The following GPC4 variants were observed in gnomAD, a reference collection of about 807,000 sequenced individuals.
The protein encoded by GPC4 is glypican 4, also known as glypican-4.
In GPC4, 10 loss-of-function variants were observed where a neutral mutation model predicts 35.0. The observed-to-expected ratio is 0.29, with a 90% CI of 0.18 to 0.48. GPC4 has a LOEUF of 0.48. Among genes scored for constraint, GPC4 ranks in the 20% least tolerant of loss-of-function variants. The pLI, the probability that GPC4 is intolerant of heterozygous loss-of-function variation, is 0.99. For synonymous variants in GPC4, 167 were observed against 170.2 expected, an observed-to-expected ratio of 0.98 and a Z score of 0.15; for missense variants, 322 against 451.3, an observed-to-expected ratio of 0.71 and a Z score of 2.60.
intron 3 of GPC4, among the ~76,000 whole-genome samples, chrX:133,312,014 CAGA>C (rs1399335025): frequency 1.8e-5 from 2 of 111,669 alleles, no homozygotes; most frequent in Non-Finnish European, 3.8e-5. Flanking sequence ...TTCTACAAGG[CAGA>C]ATATGAGTAA....
intron 1 of GPC4, among the ~76,000 whole-genome samples, chrX:133,375,911 T>C (rs139412419): frequency 7.2e-5 from 8 of 111,680 alleles, no homozygotes; most frequent in African/African-American, 2.3e-4. Context: ...CACTAGGGGA[T>C]TATGCAGTAG....
intron 1 of GPC4, among the ~76,000 whole-genome samples, chrX:133,411,725 G>A (rs770511634): frequency 9.0e-6 from 1 of 111,451 alleles, no homozygotes; most frequent in African/African-American, 3.3e-5. Flanking sequence ...CATAGTGGGC[G>A]CTCCAAAAGT....
At chrX:133,413,783 C>T (rs978310239) in intron 1 of GPC4, among the ~76,000 whole-genome samples, 27 of 112,350 alleles carry the variant, frequency 2.4e-4, no homozygotes, top group Non-Finnish European at 4.3e-4. Flanking sequence ...GCTAAGAAGA[C>T]AGTGCGACCC....
chrX:133,369,403 T>A (rs1172414370), intron 1 of GPC4, among the ~76,000 whole-genome samples: 1 of 112,040 alleles, frequency 8.9e-6, no homozygotes, highest in Non-Finnish European at 1.9e-5. Flanking sequence ...TAAATGATAT[T>A]GAACTTTTTC....
intron 1 of GPC4, among the ~76,000 whole-genome samples, chrX:133,409,358 G>C (rs1603101650): frequency 1.2e-5 from 1 of 80,055 alleles, no homozygotes; most frequent in African/African-American, 4.6e-5. Context: ...AAAAAAAAGT[G>C]TTTAGATCCA....
chrX:133,317,427 C>T, intron 3 of GPC4, among the ~76,000 whole-genome samples: 1 of 110,725 alleles, frequency 9.0e-6, no homozygotes, highest in East Asian at 2.8e-4. Flanking sequence ...TTGAGACTTT[C>T]TACCCAATAA....
At chrX:133,402,227 G>A (rs1248775156) in intron 1 of GPC4, among the ~76,000 whole-genome samples, 1 of 111,645 alleles carries the variant, frequency 9.0e-6, no homozygotes. Context: ...CCAAACACCA[G>A]ACCGAAAACT....
intron 1 of GPC4, among the ~76,000 whole-genome samples, chrX:133,410,085 G>C (rs1317330827): frequency 9.0e-6 from 1 of 111,518 alleles, no homozygotes; most frequent in Non-Finnish European, 1.9e-5. Flanking sequence ...GATTGTCTAT[G>C]TCTGGGTTTG....
intron 1 of GPC4, among the ~76,000 whole-genome samples, chrX:133,368,643 C>CATT (rs758881965): frequency 1.8e-5 from 2 of 109,868 alleles, no homozygotes; most frequent in Admixed American, 9.8e-5. Context: ...CATTGAGTAA[C>CATT]ATTATTATTA....
At chrX:133,365,939 A>C (rs1291949893) in intron 1 of GPC4, among the ~76,000 whole-genome samples, 1 of 112,324 alleles carries the variant, frequency 8.9e-6, no homozygotes, top group Non-Finnish European at 1.9e-5. Context: ...CACATTTTTT[A>C]GTCAGTAAGA....
At position 133,407,328 on chromosome X, in the gene GPC4, C is replaced by T. The variant is rs370508692; in HGVS notation, c.160+7478G>A. Among the ~76,000 whole-genome samples the T allele has an allele frequency of 1.8e-4, 20 of 111,286 alleles. 1 individual carries two copies. Among genetic ancestry groups the T allele is most frequent in the African/African-American group, 4.9e-4 (15 of 30,688 alleles). ...GGCTAGAACTACTCATCCTAACAAG[C>T]CATGTCTTCTCCATGTAAACTACTC... On this transcript the variant is annotated intron_variant, in intron 1 of 8. Coordinates refer to ENST00000370828, the MANE Select transcript of GPC4 (RefSeq NM_001448.3).
intron 1 of GPC4, among the ~76,000 whole-genome samples, chrX:133,392,251 T>C (rs907152140): frequency 8.9e-5 from 9 of 101,084 alleles, no homozygotes; most frequent in African/African-American, 2.9e-4. Flanking sequence ...TAAATAAATA[T>C]TAACGTACAA....
In GPC4 at chrX:133,394,474, A is replaced by T. The variant is rs1218506720; in HGVS notation, c.160+20332T>A. 1.2e-4 allele frequency among the ~76,000 whole-genome samples: 13 copies of T among 110,643 alleles called. No individual in the cohort carries two copies. In the Admixed American group the frequency reaches 1.3e-3, roughly 11 times the overall value. ...GTGCCAGGTACAAAGTCCTGAGAGC[A>T]GAGTTGATCAGGGCAAGGAGAAAAG... On this transcript the variant is annotated intron_variant, in intron 1 of 8. Transcript: ENST00000370828.
At chrX:133,401,951 T>C (rs2068769035) in intron 1 of GPC4, among the ~76,000 whole-genome samples, 1 of 112,553 alleles carries the variant, frequency 8.9e-6, no homozygotes, top group African/African-American at 3.2e-5. Flanking sequence ...TGGTAAAAAG[T>C]TGTCTTATTT....
At position 133,378,432 on chromosome X, in the gene GPC4, G is replaced by A. The variant is rs986511574; in HGVS notation, c.160+36374C>T. 4.6e-5 allele frequency among the ~76,000 whole-genome samples: 5 copies of A among 108,297 alleles called. No individual in the cohort carries two copies. In the East Asian group the frequency reaches 1.2e-3, roughly 25 times the overall value. 94.0% of individuals were successfully genotyped at this position (108,297 alleles called of 115,157 possible). ...AAAATACAAAAAAAACTAGCTGGGC[G>A]TGGTGGCGGGTGCCTGTAGTCCCAG... On this transcript the variant is annotated intron_variant, in intron 1 of 8. Transcript: ENST00000370828.
At chrX:133,372,168 G>A (rs770817696) in intron 1 of GPC4, among the ~76,000 whole-genome samples, 68 of 105,144 alleles carry the variant, frequency 6.5e-4, no homozygotes, top group African/African-American at 2.2e-3. Context: ...GGAGGTTGCT[G>A]TGAGCCAAGA....
intron 1 of GPC4, among the ~76,000 whole-genome samples, chrX:133,354,564 A>ATTTTTTTT (rs1320451355): frequency 1.7e-4 from 16 of 94,469 alleles, no homozygotes; most frequent in African/African-American, 5.0e-4. Flanking sequence ...TTATTTATTT[A>ATTTTTTTT]TTTATTTTTT....
At chrX:133,373,869 T>A (rs2068623099) in intron 1 of GPC4, among the ~76,000 whole-genome samples, 1 of 111,431 alleles carries the variant, frequency 9.0e-6, no homozygotes, top group South Asian at 3.8e-4. Context: ...ACTCCTCTTA[T>A]CACAGGGAAG....
chrX:133,361,348 C>T (rs2068566737), intron 1 of GPC4, among the ~76,000 whole-genome samples: 1 of 112,036 alleles, frequency 8.9e-6, no homozygotes, highest in Non-Finnish European at 1.9e-5. Context: ...CATCAAATAG[C>T]TGGTTCATAT....
Sources: gnomAD v4.1 joint callset for allele counts (sites outside exome capture counted in the v4.1 genomes callset) on GRCh38, gnomAD v4.1.1 for gene constraint, MANE v1.5 for transcripts, NCBI Gene and HGNC (gene_info 2026-07-23, HGNC 2026-07-21) for gene names.